Variants in LDB2 observed in about 807,000 individuals in gnomAD.
LDB2 encodes LIM domain-binding protein 2.
In LDB2, 12 loss-of-function variants were observed where a neutral mutation model predicts 44.3. The observed-to-expected ratio is 0.27, with a 90% confidence interval of 0.17 to 0.44. The LOEUF is 0.44. Ranked by LOEUF, LDB2 falls within the 20% of genes least tolerant of loss-of-function variation. The pLI, the probability that LDB2 is intolerant of heterozygous loss-of-function variation, is 1.00. For missense variants in LDB2, 344 were observed against 473.5 expected, an observed-to-expected ratio of 0.73 and a Z score of 2.54; for synonymous variants, 164 against 174.8, an observed-to-expected ratio of 0.94 and a Z score of 0.49.
intron 5 of LDB2, among the ~76,000 whole-genome samples, chr4:16,562,600 AC>A (rs1742811704): frequency 6.6e-6 from 1 of 152,198 alleles, no homozygotes; most frequent in Non-Finnish European, 1.5e-5. Context: ...AAATAGGAAC[AC>A]TTTTACACTG....
chr4:16,544,554 G>A (rs958427997), intron 5 of LDB2, among the ~76,000 whole-genome samples: 3 of 152,194 alleles, frequency 2.0e-5, no homozygotes, highest in African/African-American at 7.2e-5. Context: ...AGCTGGAGGA[G>A]CCATGTTCCT....
At chr4:16,857,416 T>C (rs1026351850) in intron 1 of LDB2, among the ~76,000 whole-genome samples, 1 of 152,168 alleles carries the variant, frequency 6.6e-6, no homozygotes, top group African/African-American at 2.4e-5. Context: ...CTACCTACCA[T>C]ACATGATCTT....
At chr4:16,740,519 T>C (rs1418182583) in intron 2 of LDB2, among the ~76,000 whole-genome samples, 1 of 152,222 alleles carries the variant, frequency 6.6e-6, no homozygotes, top group Non-Finnish European at 1.5e-5. Flanking sequence ...CCTTTGCCCT[T>C]CCTGCTGCTA....
At chr4:16,521,504 CTACTCCCAAA>C (rs1414856330) in intron 5 of LDB2, among the ~76,000 whole-genome samples, 8 of 152,124 alleles carry the variant, frequency 5.3e-5, no homozygotes, top group Non-Finnish European at 8.8e-5. Context: ...TGCAAAGACT[CTACTCCCAAA>C]TAAGGTCACA....
chr4:16,631,113 C>A (rs1731819008), intron 2 of LDB2, among the ~76,000 whole-genome samples: 1 of 152,176 alleles, frequency 6.6e-6, no homozygotes, highest in African/African-American at 2.4e-5. Context: ...TTCTCCACCC[C>A]AAATCAACAG....
At chr4:16,639,093 T>C (rs1216351883) in intron 2 of LDB2, among the ~76,000 whole-genome samples, 1 of 152,226 alleles carries the variant, frequency 6.6e-6, no homozygotes, top group Non-Finnish European at 1.5e-5. Flanking sequence ...AGAGCTTTTA[T>C]AAAGTTTGCC....
intron 1 of LDB2, among the ~76,000 whole-genome samples, chr4:16,883,801 A>C (rs568225003): frequency 6.6e-6 from 1 of 152,338 alleles, no homozygotes; most frequent in Non-Finnish European, 1.5e-5. Context: ...TAGAGGCCCC[A>C]GGCCGCTAAA....
intron 5 of LDB2, among the ~76,000 whole-genome samples, chr4:16,527,419 A>T (rs1181242510): frequency 2.2e-5 from 3 of 138,868 alleles, no homozygotes; most frequent in Admixed American, 6.9e-5. Context: ...TCAAAAAAAT[A>T]AAAAAAAAAT....
intron 1 of LDB2, among the ~76,000 whole-genome samples, chr4:16,797,734 A>G (rs529052706): frequency 6.6e-6 from 1 of 151,968 alleles, no homozygotes; most frequent in African/African-American, 2.4e-5. Context: ...GACCATCACT[A>G]CTTAAGAGCT....
At chr4:16,731,188 C>CTGGAA (rs1382174350) in intron 2 of LDB2, among the ~76,000 whole-genome samples, 5 of 151,982 alleles carry the variant, frequency 3.3e-5, no homozygotes, top group Non-Finnish European at 5.9e-5. Flanking sequence ...GTTGTTAGAA[C>CTGGAA]TGGAATGGAA....
At chr4:16,872,309 T>C (rs977181206) in intron 1 of LDB2, among the ~76,000 whole-genome samples, 1 of 152,056 alleles carries the variant, frequency 6.6e-6, no homozygotes, top group Non-Finnish European at 1.5e-5. Context: ...TTTTATTCTT[T>C]TATCTTTATT....
intron 2 of LDB2, among the ~76,000 whole-genome samples, chr4:16,750,437 A>G (rs1273730655): frequency 6.6e-6 from 1 of 152,234 alleles, no homozygotes. Flanking sequence ...ACTTAAATTC[A>G]GGCAGACTTT....
At chr4:16,807,690 G>A (rs768545663) in intron 1 of LDB2, among the ~76,000 whole-genome samples, 9 of 152,172 alleles carry the variant, frequency 5.9e-5, no homozygotes, top group Non-Finnish European at 8.8e-5. Context: ...AGCCCTTCCT[G>A]CCCTGGTGTA....
At chr4:16,512,172 C>G (rs1353719277) in intron 5 of LDB2, 68 bp from the exon 6 acceptor site, 1 of 1,372,982 alleles carries the variant, frequency 7.3e-7, no homozygotes, top group Non-Finnish European at 9.8e-7. Flanking sequence ...ATAATGCTAA[C>G]AGCTGGAATC....
At chr4:16,808,612 C>T (rs1456662606) in intron 1 of LDB2, among the ~76,000 whole-genome samples, 3 of 152,108 alleles carry the variant, frequency 2.0e-5, no homozygotes, top group African/African-American at 7.2e-5. Flanking sequence ...TTTGATTTAG[C>T]AGCTTACTTT....
intron 2 of LDB2, among the ~76,000 whole-genome samples, chr4:16,635,657 G>A (rs1733383835): frequency 6.9e-6 from 1 of 145,668 alleles, no homozygotes; most frequent in South Asian, 2.2e-4. Context: ...GAATTCTCAT[G>A]CTGGGGGAGA....
intron 1 of LDB2, among the ~76,000 whole-genome samples, chr4:16,771,520 A>G (rs1308860041): frequency 6.6e-6 from 1 of 152,166 alleles, no homozygotes; most frequent in Non-Finnish European, 1.5e-5. Flanking sequence ...CAGGCTTAAC[A>G]TGGCCAAAGC....
chr4:16,549,447 A>G (rs1050048941), intron 5 of LDB2, among the ~76,000 whole-genome samples: 4 of 152,218 alleles, frequency 2.6e-5, no homozygotes, highest in African/African-American at 7.2e-5. Flanking sequence ...AGCAAATACT[A>G]TTGATTCAAT....
At chr4:16,524,539 A>C (rs911681217) in intron 5 of LDB2, among the ~76,000 whole-genome samples, 7 of 152,144 alleles carry the variant, frequency 4.6e-5, no homozygotes, top group African/African-American at 7.2e-5. Flanking sequence ...AGTATGAGGG[A>C]GGGGCTGAGA....
Sources: gnomAD v4.1 joint callset for allele counts (sites outside exome capture counted in the v4.1 genomes callset) on GRCh38, gnomAD v4.1.1 for gene constraint, MANE v1.5 for transcripts, NCBI Gene and HGNC (gene_info 2026-07-23, HGNC 2026-07-21) for gene names.